The following BMPR1B variants were observed in gnomAD, a reference collection of about 807,000 sequenced individuals.
The protein encoded by BMPR1B is bone morphogenetic protein receptor type-1B.
A neutral mutation model predicts 59.1 loss-of-function variants in BMPR1B; 12 were observed. The observed-to-expected ratio is 0.20, with a 90% CI of 0.13 to 0.33. The LOEUF (loss-of-function observed/expected upper bound fraction) is 0.33. Ranked by LOEUF, BMPR1B falls within the 10% of genes least tolerant of loss-of-function variation. BMPR1B has a pLI of 1.00. For synonymous variants in BMPR1B, 237 were observed against 207.3 expected, an observed-to-expected ratio of 1.14 and a Z score of -1.23; for missense variants, 550 against 610.9, an observed-to-expected ratio of 0.90 and a Z score of 1.05.
chr4:95,134,003 A>G (rs1733579113), intron 10 of BMPR1B, among the ~76,000 whole-genome samples: 1 of 151,890 alleles, frequency 6.6e-6, no homozygotes, highest in African/African-American at 2.4e-5. Flanking sequence ...CATTAGGTGT[A>G]TCTCCTAATG....
At chr4:94,887,859 C>T (rs539985757) in intron 2 of BMPR1B, among the ~76,000 whole-genome samples, 1 of 151,858 alleles carries the variant, frequency 6.6e-6, no homozygotes, top group Non-Finnish European at 1.5e-5. Flanking sequence ...GAAAATTTTT[C>T]AGAAATAGAA....
At chr4:94,837,544 A>G (rs1724873881) in intron 1 of BMPR1B, among the ~76,000 whole-genome samples, 1 of 144,862 alleles carries the variant, frequency 6.9e-6, no homozygotes, top group African/African-American at 2.6e-5. Flanking sequence ...TTCTCTCATG[A>G]TTTGGCTCTC....
chr4:94,897,258 G>T (rs1463636436), intron 2 of BMPR1B, among the ~76,000 whole-genome samples: 1 of 151,988 alleles, frequency 6.6e-6, no homozygotes, highest in Non-Finnish European at 1.5e-5. Flanking sequence ...ATGACCCTGC[G>T]TGGACTCCGA....
chr4:94,789,868 A>ATT (rs1722908877), intron 1 of BMPR1B, among the ~76,000 whole-genome samples: 1 of 152,040 alleles, frequency 6.6e-6, no homozygotes, highest in Admixed American at 6.6e-5. Context: ...TGATAGGTGG[A>ATT]TTTTCTGCCT....
Position 95,129,332 on chromosome 4 carries a change from A to C in BMPR1B, c.586-530A>C, listed in dbSNP as rs147007169. Among the ~76,000 whole-genome samples the C allele has an allele frequency of 5.9e-3, 895 of 152,166 alleles. 8 individuals carry two copies. Among genetic ancestry groups the C allele is most frequent in the Non-Finnish European group, 0.01 (688 of 68,002 alleles). On this transcript the variant is annotated intron_variant, in intron 8 of 12. Coordinates refer to ENST00000515059, the MANE Select transcript of BMPR1B (RefSeq NM_001203.3). ...TGGTATTGTTCTTTGCCCAGACGGCAGCTTGGTTTATCGTTCCCTGGTCTG... is the reference window on the plus strand; with the variant it reads ...TGGTATTGTTCTTTGCCCAGACGGCCGCTTGGTTTATCGTTCCCTGGTCTG...
chr4:94,865,208 T>G (rs547735622), intron 1 of BMPR1B, among the ~76,000 whole-genome samples: 1 of 152,022 alleles, frequency 6.6e-6, no homozygotes, highest in Non-Finnish European at 1.5e-5. Flanking sequence ...GGAGTTACAC[T>G]GTGTTGGCCA....
At chr4:94,974,314 CTT>C (rs1218395997) in intron 2 of BMPR1B, among the ~76,000 whole-genome samples, 4 of 152,134 alleles carry the variant, frequency 2.6e-5, no homozygotes, top group East Asian at 3.9e-4. Flanking sequence ...TTTAATTTGA[CTT>C]ATAACATTTT....
chr4:95,100,017 A>G (rs758524328), intron 3 of BMPR1B, among the ~76,000 whole-genome samples: 21 of 152,208 alleles, frequency 1.4e-4, no homozygotes, highest in Non-Finnish European at 2.4e-4. Flanking sequence ...ATTAATTTCA[A>G]CATCTTAGAG....
chr4:94,762,287 A>G (rs996596400), intron 1 of BMPR1B, among the ~76,000 whole-genome samples: 1 of 152,212 alleles, frequency 6.6e-6, no homozygotes, highest in African/African-American at 2.4e-5. Flanking sequence ...TGAAAACACA[A>G]TCAGCTATCC....
At chr4:94,913,185 A>G (rs113126904) in intron 2 of BMPR1B, among the ~76,000 whole-genome samples, 2,949 of 152,266 alleles carry the variant, frequency 0.019, 57 homozygotes, top group East Asian at 0.091. Flanking sequence ...TGGGCAACAT[A>G]TATGTATAGT....
At chr4:94,795,738 A>C (rs1304624176) in intron 1 of BMPR1B, among the ~76,000 whole-genome samples, 6 of 152,130 alleles carry the variant, frequency 3.9e-5, no homozygotes, top group Non-Finnish European at 7.4e-5. Context: ...TGCTGGGATT[A>C]CAGGTGTGAG....
chr4:94,998,028 T>G (rs1484250723), intron 3 of BMPR1B, among the ~76,000 whole-genome samples: 1 of 152,174 alleles, frequency 6.6e-6, no homozygotes, highest in African/African-American at 2.4e-5. Context: ...AAGAAAGTTT[T>G]CCTTTAAATC....
chr4:95,046,063 T>C (rs757018147), intron 3 of BMPR1B, among the ~76,000 whole-genome samples: 2 of 152,178 alleles, frequency 1.3e-5, no homozygotes, highest in Non-Finnish European at 2.9e-5. Context: ...TATTTAGTTT[T>C]TCAGGTATAA....
chr4:95,116,115 A>T (rs751151272), intron 6 of BMPR1B, among the ~76,000 whole-genome samples: 1 of 152,140 alleles, frequency 6.6e-6, no homozygotes, highest in African/African-American at 2.4e-5. Flanking sequence ...GTTGTAGTTC[A>T]CCCAAAAACT....
At chr4:94,867,240 G>C (rs1044705086) in intron 1 of BMPR1B, among the ~76,000 whole-genome samples, 1 of 152,002 alleles carries the variant, frequency 6.6e-6, no homozygotes, top group Non-Finnish European at 1.5e-5. Flanking sequence ...TGCATATATA[G>C]CAAGTCTTTC....
At chr4:94,982,198 T>C (rs1721119687) in intron 2 of BMPR1B, among the ~76,000 whole-genome samples, 1 of 152,198 alleles carries the variant, frequency 6.6e-6, no homozygotes, top group Admixed American at 6.5e-5. Flanking sequence ...ACCTAAATTA[T>C]TTGAGTTTTT....
At chr4:94,841,770 T>C (rs1180610684) in intron 1 of BMPR1B, among the ~76,000 whole-genome samples, 2 of 152,162 alleles carry the variant, frequency 1.3e-5, no homozygotes, top group African/African-American at 4.8e-5. Context: ...TATTCGGCCA[T>C]CTTGGCTCCT....
chr4:95,100,328 G>A (rs376552568), intron 3 of BMPR1B, among the ~76,000 whole-genome samples: 68 of 151,976 alleles, frequency 4.5e-4, no homozygotes, highest in African/African-American at 1.5e-3. Context: ...AATTTGCCCA[G>A]GTATTTATTT....
At chr4:95,007,346 T>C (rs1722918539) in intron 3 of BMPR1B, among the ~76,000 whole-genome samples, 1 of 152,190 alleles carries the variant, frequency 6.6e-6, no homozygotes, top group African/African-American at 2.4e-5. Context: ...TATATAGTTA[T>C]TCTGTTAGCT....
Sources: gnomAD v4.1 joint callset for allele counts (sites outside exome capture counted in the v4.1 genomes callset) on GRCh38, gnomAD v4.1.1 for gene constraint, MANE v1.5 for transcripts, NCBI Gene and HGNC (gene_info 2026-07-23, HGNC 2026-07-21) for gene names.